Variants in PPP4R3A observed in about 807,000 individuals in gnomAD.
PPP4R3A encodes serine/threonine-protein phosphatase 4 regulatory subunit 3A.
PPP4R3A carries 15 observed loss-of-function variants against 91.7 expected under a neutral mutation model. That is an observed-to-expected ratio of 0.16 (90% CI 0.11 to 0.25). The LOEUF (loss-of-function observed/expected upper bound fraction) is 0.25, where lower values mean the gene tolerates loss of function less well. Among genes scored for constraint, PPP4R3A ranks in the 10% least tolerant of loss-of-function variants. The pLI is 1.00. For missense variants in PPP4R3A, 623 were observed against 998.4 expected (o/e 0.62, Z 5.07); for synonymous variants, 377 against 348.7 (o/e 1.08, Z -0.91).
chr14:91,472,963 T>C, intron 9 of PPP4R3A, 70 bp downstream of exon 9: 1 of 1,435,500 alleles, frequency 7.0e-7, no homozygotes, highest in Non-Finnish European at 9.6e-7. Flanking sequence ...CTAAAAAGAC[T>C]GACTTAACAC....
chr14:91,492,948 C>G (rs1426626334), intron 1 of PPP4R3A, among the ~76,000 whole-genome samples: 1 of 152,152 alleles, frequency 6.6e-6, no homozygotes, highest in East Asian at 1.9e-4. Context: ...AGCAGGTGGC[C>G]AGGTGCGGTG....
chr14:91,464,807 T>C (rs1888378755), intron 11 of PPP4R3A, among the ~76,000 whole-genome samples: 3 of 152,226 alleles, frequency 2.0e-5, no homozygotes, highest in African/African-American at 7.2e-5. Context: ...CTAACCTTTT[T>C]GGTTTCATGA....
chr14:91,481,937 T>C lies in PPP4R3A; in HGVS notation c.554A>G (p.Asn185Ser), dbSNP rs745959269. ...ELFHVCEDLE[N>S]IEGLHHLYEI... ...ATACAAGTGGTGCAGTCCTTCAATATTTTCCAAATCTTCACACACATGAAA... is the reference window on the plus strand; with the variant it reads ...ATACAAGTGGTGCAGTCCTTCAATACTTTCCAAATCTTCACACACATGAAA... The change falls in exon 4 of 15, where the codon AAT becomes AGT. Residue 185 changes from asparagine to serine, a missense_variant. Around this residue, in one of 5 missense-constraint regions of PPP4R3A, gnomAD observed 264 missense variants for 377.3 expected, o/e 0.70. Transcript: ENST00000554943. The C allele has an allele frequency of 1.2e-6, 2 of 1,613,944 alleles. No homozygotes were observed. Among genetic ancestry groups the C allele is most frequent in the South Asian group, 1.1e-5 (1 of 91,064 alleles).
At chr14:91,482,861 T>G (rs763032088) in intron 3 of PPP4R3A, among the ~76,000 whole-genome samples, 10 of 152,142 alleles carry the variant, frequency 6.6e-5, no homozygotes, top group Non-Finnish European at 1.3e-4. Flanking sequence ...AGAATACAAG[T>G]GTACCTACAT....
At position 91,471,118 on chromosome 14, in the gene PPP4R3A, G is replaced by A. The variant is rs574239760; in HGVS notation, c.1502-123C>T. ...TTAACCTAAATATATTAACTTTAGG[G>A]AGGAGGAAATTAGCATTTACTGAAC... is the stretch of plus-strand genomic sequence containing the variant. On this transcript the variant is annotated intron_variant, in intron 9 of 14. Coordinates refer to ENST00000554943, the MANE Select transcript of PPP4R3A (RefSeq NM_001366432.2). The A allele has an allele frequency of 1.0e-5, 9 of 894,302 alleles. No homozygotes were observed. The Admixed American group carries it at 3.1e-4, about 31-fold the overall frequency. 55.4% of individuals were successfully genotyped at this position (894,302 alleles called of 1,614,324 possible).
chr14:91,480,799 G>A (rs1295486257), intron 4 of PPP4R3A, among the ~76,000 whole-genome samples: 1 of 152,176 alleles, frequency 6.6e-6, no homozygotes, highest in Non-Finnish European at 1.5e-5. Context: ...ACTTTGCAAG[G>A]CTAAGGTGGG....
chr14:91,468,136 G>A (rs1267903912), intron 10 of PPP4R3A, among the ~76,000 whole-genome samples: 1 of 152,138 alleles, frequency 6.6e-6, no homozygotes, highest in African/African-American at 2.4e-5. Flanking sequence ...TCCTTTCAAA[G>A]AGTTAGGTTT....
chr14:91,479,688 T>C (rs895496452), intron 4 of PPP4R3A, among the ~76,000 whole-genome samples: 1 of 152,124 alleles, frequency 6.6e-6, no homozygotes, highest in African/African-American at 2.4e-5. Context: ...ATTACAGGCG[T>C]CCACCATCAC....
At chr14:91,498,258 C>T (rs1013469039) in intron 1 of PPP4R3A, among the ~76,000 whole-genome samples, 1 of 151,814 alleles carries the variant, frequency 6.6e-6, no homozygotes, top group African/African-American at 2.4e-5. Context: ...TTGCTTGAAC[C>T]TGGGAGGCAG....
chr14:91,460,791 TTG>T (rs1490527184), intron 14 of PPP4R3A, among the ~76,000 whole-genome samples: 2 of 152,000 alleles, frequency 1.3e-5, no homozygotes, highest in Non-Finnish European at 2.9e-5. Flanking sequence ...TGGCTAATTT[TTG>T]TATTTTTAGT....
intron 3 of PPP4R3A, among the ~76,000 whole-genome samples, chr14:91,484,913 G>A (rs1393787415): frequency 6.6e-6 from 1 of 152,200 alleles, no homozygotes; most frequent in African/African-American, 2.4e-5. Context: ...ACAAAAGATT[G>A]TGATTATGTC....
chr14:91,491,041 G>C (rs11625774), intron 1 of PPP4R3A, among the ~76,000 whole-genome samples: 74,398 of 150,808 alleles, frequency 0.49, 18,678 homozygotes, highest in Admixed American at 0.53. Context: ...AAGGAGCTGG[G>C]ATTACAGGTG....
Position 91,510,041 on chromosome 14 carries a change from G to C in PPP4R3A, c.-394C>G. ...CGCGCCGCCGCCGCCTCCTCAGGCC[G>C]CCGCCGCCGCCGCCATATTTTCCTT... is the stretch of plus-strand genomic sequence containing the variant. On this transcript the variant is annotated 5_prime_UTR_variant, in exon 1 of 15. Coordinates refer to ENST00000554943, the MANE Select transcript of PPP4R3A (RefSeq NM_001366432.2). The C allele has an allele frequency of 4.4e-6, 3 of 685,204 alleles. No individual in the cohort carries two copies. The highest frequency in any genetic ancestry group is 5.4e-6 in the Non-Finnish European group (3 of 553,504). 42.4% of individuals were successfully genotyped at this position (685,204 alleles called of 1,614,324 possible). A position where few individuals can be genotyped will look rare whatever the true frequency, so the allele number is the denominator to read the frequency against.
chr14:91,494,788 C>G (rs909206910), intron 1 of PPP4R3A, among the ~76,000 whole-genome samples: 1 of 152,138 alleles, frequency 6.6e-6, no homozygotes, highest in Non-Finnish European at 1.5e-5. Flanking sequence ...ATCACTTTAA[C>G]CTGGGAGGTG....
intron 1 of PPP4R3A, among the ~76,000 whole-genome samples, chr14:91,502,086 C>CG (rs1891000497): frequency 6.6e-6 from 1 of 151,648 alleles, no homozygotes; most frequent in Non-Finnish European, 1.5e-5. Flanking sequence ...CCTGACTTTT[C>CG]GGAAAAAAAT....
At chr14:91,486,916 A>AT (rs1198808503) in intron 2 of PPP4R3A, among the ~76,000 whole-genome samples, 20 of 146,614 alleles carry the variant, frequency 1.4e-4, no homozygotes, top group East Asian at 7.9e-4. Context: ...AAAAAAAAAA[A>AT]AAAAAAAATA....
At position 91,457,768 on chromosome 14, in the gene PPP4R3A, C is replaced by CTGT. The variant is rs1177272348; in HGVS notation, c.*988_*990dup. 1 of 152,588 alleles carries CTGT rather than the reference C, an allele frequency of 6.6e-6. No individual in the cohort carries two copies. Among genetic ancestry groups the CTGT allele is most frequent in the Non-Finnish European group, 1.5e-5 (1 of 68,016 alleles). The allele number at this position is 152,588 out of a possible 1,614,324, so 9.5% of individuals were successfully genotyped here. A position where few individuals can be genotyped will look rare whatever the true frequency, so the allele number is the denominator to read the frequency against. On this transcript the variant is annotated 3_prime_UTR_variant, in exon 15 of 15. Transcript: ENST00000554943. Reference sequence around the variant, plus strand: ...TTTCATGTTTCTAGATTTAACAAAACTGTTGAAGTTTTAAATTCCATTCTA... The same window carrying CTGT: ...TTTCATGTTTCTAGATTTAACAAAACTGTTGTTGAAGTTTTAAATTCCATTCTA...
At chr14:91,469,855 C>T (rs953007823) in intron 10 of PPP4R3A, among the ~76,000 whole-genome samples, 2 of 151,756 alleles carry the variant, frequency 1.3e-5, no homozygotes, top group African/African-American at 4.8e-5. Flanking sequence ...TGAGCCACTG[C>T]ACCTGGCCAT....
At chr14:91,473,836 A>T (rs1028923934) in intron 7 of PPP4R3A, among the ~76,000 whole-genome samples, 4 of 116,240 alleles carry the variant, frequency 3.4e-5, no homozygotes, top group African/African-American at 9.8e-5. Flanking sequence ...CAATGGCACG[A>T]TCTCGTCTTA....
Sources: gnomAD v4.1 joint callset for allele counts (sites outside exome capture counted in the v4.1 genomes callset) on GRCh38, gnomAD v4.1.1 for gene constraint, gnomAD v4.1.1 regional missense constraint, MANE v1.5 for transcripts, NCBI Gene and HGNC (gene_info 2026-07-23, HGNC 2026-07-21) for gene names.